Variants in KIF24 observed in about 807,000 individuals in gnomAD.
KIF24 encodes kinesin-like protein KIF24.
In KIF24, 81 loss-of-function variants were observed where a neutral mutation model predicts 118.9. The observed-to-expected ratio is 0.68, with a 90% CI of 0.57 to 0.82. KIF24 has a LOEUF of 0.82. Among genes scored for constraint, KIF24 ranks in the 40% least tolerant of loss-of-function variants. The pLI is 0.00. For missense variants in KIF24, 1,560 were observed against 1,661.6 expected, an observed-to-expected ratio of 0.94 and a Z score of 1.06; for synonymous variants, 599 against 610.0, an observed-to-expected ratio of 0.98 and a Z score of 0.27.
chr9:34,260,266 A>G (rs888617091), intron 9 of KIF24, among the ~76,000 whole-genome samples: 4 of 152,234 alleles, frequency 2.6e-5, no homozygotes, highest in African/African-American at 9.6e-5. Flanking sequence ...TAATTGCCCA[A>G]TTGACCAAAA....
At chr9:34,293,477 CAA>C (rs35730248) in intron 4 of KIF24, among the ~76,000 whole-genome samples, 8 of 121,994 alleles carry the variant, frequency 6.6e-5, no homozygotes, top group African/African-American at 9.6e-5. Context: ...GACTCTATCT[CAA>C]AAAAAAAAAA....
intron 1 of KIF24, among the ~76,000 whole-genome samples, chr9:34,311,735 T>C (rs1563961585): frequency 6.8e-6 from 1 of 147,496 alleles, no homozygotes; most frequent in East Asian, 2.0e-4. Context: ...CACGTATATA[T>C]ATACATATAT....
At chr9:34,302,156 G>T (rs537953191) in intron 3 of KIF24, among the ~76,000 whole-genome samples, 1 of 151,036 alleles carries the variant, frequency 6.6e-6, no homozygotes, top group Non-Finnish European at 1.5e-5. Context: ...CACCATGCCT[G>T]ACTAATTTTT....
chr9:34,327,295 A>C (rs543386279), intron 1 of KIF24, among the ~76,000 whole-genome samples: 1 of 152,110 alleles, frequency 6.6e-6, no homozygotes, highest in African/African-American at 2.4e-5. Flanking sequence ...GGCATCATAG[A>C]ATACTAGATC....
chr9:34,316,033 C>A (rs1446985159), intron 1 of KIF24, among the ~76,000 whole-genome samples: 1 of 150,856 alleles, frequency 6.6e-6, no homozygotes, highest in Admixed American at 6.6e-5. Context: ...TGTCACCCCC[C>A]CAAAAAAAAA....
intron 6 of KIF24, among the ~76,000 whole-genome samples, chr9:34,272,513 G>A (rs1391195407): frequency 6.6e-6 from 1 of 152,254 alleles, no homozygotes; most frequent in Non-Finnish European, 1.5e-5. Context: ...TGGGGCAGGG[G>A]AGGTGAAGCG....
At chr9:34,316,550 T>G (rs1220020203) in intron 1 of KIF24, among the ~76,000 whole-genome samples, 1 of 152,186 alleles carries the variant, frequency 6.6e-6, no homozygotes, top group African/African-American at 2.4e-5. Flanking sequence ...AACTTCACTC[T>G]GAACACTTCA....
chr9:34,263,219 G>A, intron 8 of KIF24, 47 bp from the exon 9 acceptor site: 2 of 1,422,252 alleles, frequency 1.4e-6, no homozygotes, highest in Non-Finnish European at 2.0e-6. Flanking sequence ...TGCAAAGGGA[G>A]AGTAACAGAC....
chr9:34,307,395 T>C (rs1190890381), intron 2 of KIF24, among the ~76,000 whole-genome samples: 1 of 150,454 alleles, frequency 6.6e-6, no homozygotes, highest in Non-Finnish European at 1.5e-5. Context: ...GGGATCTGAA[T>C]TGGTTTAAAA....
At chr9:34,326,811 G>T (rs1837686083) in intron 1 of KIF24, among the ~76,000 whole-genome samples, 1 of 152,106 alleles carries the variant, frequency 6.6e-6, no homozygotes, top group African/African-American at 2.4e-5. Flanking sequence ...GTCATTAGAG[G>T]ATCTTAAGTG....
Position 34,272,022 on chromosome 9 carries a change from T to C in KIF24, c.1216-92A>G. 3 of 1,211,554 alleles carry C rather than the reference T, an allele frequency of 2.5e-6. No homozygotes were observed. In the South Asian group the frequency reaches 5.1e-5, roughly 20 times the overall value. The allele number at this position is 1,211,554 out of a possible 1,614,324, so 75.1% of individuals were successfully genotyped here. ...GGCTAAGAGCAGTAGACAGCAGACA[T>C]ATAATTGTGTCAGTGCACTGCAGTT... On this transcript the variant is annotated intron_variant, in intron 6 of 12. Coordinates refer to ENST00000402558, the MANE Select transcript of KIF24 (RefSeq NM_194313.4).
chr9:34,262,440 T>C (rs1011457946), intron 9 of KIF24, among the ~76,000 whole-genome samples: 3 of 151,544 alleles, frequency 2.0e-5, no homozygotes, highest in African/African-American at 7.3e-5. Context: ...TTTGGAATAT[T>C]TGCATTATCC....
At chr9:34,322,912 T>C (rs1475341313) in intron 1 of KIF24, among the ~76,000 whole-genome samples, 3 of 152,168 alleles carry the variant, frequency 2.0e-5, no homozygotes, top group African/African-American at 4.8e-5. Context: ...CAATCAATTT[T>C]ATTATTAAAA....
At chr9:34,285,042 T>C (rs964563649) in intron 6 of KIF24, among the ~76,000 whole-genome samples, 2 of 152,166 alleles carry the variant, frequency 1.3e-5, no homozygotes, top group Non-Finnish European at 2.9e-5. Context: ...TTAAATATTT[T>C]ACCGTGGACA....
chr9:34,285,056 G>A (rs1029903551), intron 6 of KIF24, among the ~76,000 whole-genome samples: 6 of 152,114 alleles, frequency 3.9e-5, no homozygotes, highest in Non-Finnish European at 7.4e-5. Flanking sequence ...GTGGACAGTG[G>A]ATAGCTCAGT....
chr9:34,269,520 C>T (rs796890498), intron 7 of KIF24, among the ~76,000 whole-genome samples, 158 bp from the exon 8 acceptor site: 5 of 151,984 alleles, frequency 3.3e-5, no homozygotes, highest in South Asian at 2.1e-4. Context: ...CCCGGGTTCA[C>T]GCCATTCTCC....
At chr9:34,280,218 A>G (rs1222500264) in intron 6 of KIF24, among the ~76,000 whole-genome samples, 2 of 129,420 alleles carry the variant, frequency 1.5e-5, no homozygotes, top group Non-Finnish European at 3.1e-5. Flanking sequence ...CGGGAGGCGG[A>G]GCTTGCAGTG....
intron 9 of KIF24, among the ~76,000 whole-genome samples, chr9:34,260,316 A>T (rs778869856): frequency 2.6e-5 from 4 of 152,232 alleles, no homozygotes; most frequent in Non-Finnish European, 5.9e-5. Flanking sequence ...TATAATAGTA[A>T]TATTTAGTAA....
chr9:34,331,754 C>T (rs950695705), upstream of KIF24, among the ~76,000 whole-genome samples: 1 of 152,184 alleles, frequency 6.6e-6, no homozygotes, highest in Admixed American at 6.5e-5. Flanking sequence ...GATCACTGAA[C>T]TTTAGACCCA....
Sources: allele counts gnomAD v4.1 joint callset (sites outside exome capture counted in the v4.1 genomes callset), GRCh38; gene constraint gnomAD v4.1.1; transcripts MANE v1.5; gene names NCBI Gene and HGNC (gene_info 2026-07-23, HGNC 2026-07-21).